The following C1orf94 variants were observed in gnomAD, a reference collection of about 807,000 sequenced individuals.
C1orf94 encodes uncharacterized protein C1orf94.
A neutral mutation model predicts 53.6 loss-of-function variants in C1orf94; 45 were observed. That is an observed-to-expected ratio of 0.84 (90% CI 0.66 to 1.08). The LOEUF (loss-of-function observed/expected upper bound fraction) is 1.08. C1orf94 is among the 50% of genes least tolerant of loss of function. The probability of loss-of-function intolerance (pLI) is 0.00; values close to 1 mark genes in which losing one functional copy is unlikely to be tolerated. For synonymous variants in C1orf94, 304 were observed against 296.1 expected (o/e 1.03, Z -0.27); for missense variants, 762 against 738.9 (o/e 1.03, Z -0.36).
At chr1:34,212,447 G>T (rs1399999184) in intron 6 of C1orf94, 41 bp downstream of exon 6, 1 of 1,570,452 alleles carries the variant, frequency 6.4e-7, no homozygotes, top group African/African-American at 1.4e-5. Flanking sequence ...TATCCAGAAA[G>T]CTGGTGGGAA....
Position 34,195,779 on chromosome 1 carries a change from GGTGTGTGTGTGT to G in C1orf94, c.321-1426_321-1415del, listed in dbSNP as rs67390104. On this transcript the variant is annotated intron_variant, in intron 1 of 6. Coordinates refer to ENST00000488417, the MANE Select transcript of C1orf94 (RefSeq NM_001134734.2). ...GTGTGCCTGCCTGTTTCTGTTCGTG[GGTGTGTGTGTGT>G]GTGTGTGTGTGTGTGTGTGCGTTTG... Among the ~76,000 whole-genome samples, 4 of 145,272 alleles carry G rather than the reference GGTGTGTGTGTGT, an allele frequency of 2.8e-5. 1 individual carries two copies. The highest frequency in any genetic ancestry group is 7.6e-5 in the African/African-American group (3 of 39,574).
intron 1 of C1orf94, among the ~76,000 whole-genome samples, chr1:34,186,869 G>C (rs1313968332): frequency 6.6e-6 from 1 of 152,208 alleles, no homozygotes; most frequent in African/African-American, 2.4e-5. Flanking sequence ...TAAGGGCAAG[G>C]TCTGTGTCTT....
rs148899786 is a variant in C1orf94 at position 34,197,902 on chromosome 1, A to G, written c.998A>G (p.His333Arg). Reference protein sequence around the residue: ...KPKADPAVERHHLMEWSPGTK... With the variant: ...KPKADPAVERRHLMEWSPGTK... The stretch of plus-strand genomic sequence containing the variant: ...AAGGCTGACCCTGCTGTGGAGAGGC[A>G]CCACTTGATGGGTGAGTGGGGTTGG... The change falls in exon 2 of 7, where the codon CAC becomes CGC. Residue 333 changes from histidine (H) to arginine (R), a missense_variant. His to Arg is a conservative substitution (Grantham distance 29). Transcript: ENST00000488417. This position sits in a 1 kb window ranked among gnomAD's most constrained non-coding sequence, Gnocchi z 4.1. 5 of 1,613,040 alleles carry G rather than the reference A, an allele frequency of 3.1e-6. No homozygotes were observed. In the African/African-American group the frequency reaches 6.7e-5, roughly 22 times the overall value.
upstream of C1orf94, among the ~76,000 whole-genome samples, chr1:34,173,849 T>C (rs546667926): frequency 2.4e-4 from 36 of 152,182 alleles, no homozygotes; most frequent in Non-Finnish European, 4.6e-4. Context: ...CTTTAAACTC[T>C]AAAAAAGACA....
At position 34,212,348 on chromosome 1, in the gene C1orf94, C is replaced by A; in HGVS notation, c.1663C>A (p.Arg555=). ...RTPPKMSANP[R]DPPLMAGDGP... ...ACCTCCAAAGATGTCTGCCAACCCC[C>A]GAGACCCTCCCCTAATGGCAGGAGA... The change falls in exon 6 of 7, where the codon CGA becomes AGA. Residue 555 remains arginine, a synonymous_variant. Transcript: ENST00000488417. 6.2e-7 allele frequency: 1 copy of A among 1,613,932 alleles called. No individual in the cohort carries two copies. The highest frequency in any genetic ancestry group is 8.5e-7 in the Non-Finnish European group (1 of 1,179,928).
upstream of C1orf94, among the ~76,000 whole-genome samples, chr1:34,176,804 G>C (rs975581427): frequency 3.9e-5 from 6 of 152,148 alleles, no homozygotes; most frequent in Non-Finnish European, 7.3e-5. Context: ...GCGGCGGCGC[G>C]TTTGGCTTTG....
At chr1:34,206,993 A>T (rs1642805689) in intron 4 of C1orf94, among the ~76,000 whole-genome samples, 1 of 151,924 alleles carries the variant, frequency 6.6e-6, no homozygotes, top group South Asian at 2.1e-4. Context: ...GAGCAGGGAG[A>T]CCTACTTGCA....
intron 1 of C1orf94, among the ~76,000 whole-genome samples, chr1:34,188,720 G>A (rs758565786): frequency 9.2e-5 from 14 of 152,150 alleles, no homozygotes; most frequent in Admixed American, 2.6e-4. Flanking sequence ...ACTGCGGCCC[G>A]GAGGGTGGAG....
Position 34,178,014 on chromosome 1 carries a change from C to T in C1orf94, c.225C>T (p.Gly75=), listed in dbSNP as rs370350958. ...ATGAAATCTGGAAGAGAGTTCAAGG[C>T]CTGCCTGAGGCCTCACAGCCCTGGA... ...TCHEIWKRVQ[G]LPEASQPWTS... Residue 75 remains glycine, a synonymous_variant, in exon 1 of 7, where the codon GGC becomes GGT. Transcript: ENST00000488417. The T allele has an allele frequency of 8.0e-5, 124 of 1,551,652 alleles. 1 individual carries two copies. Among genetic ancestry groups the T allele is most frequent in the Non-Finnish European group, 9.2e-5 (106 of 1,147,014 alleles).
chr1:34,209,285 A>AACACACACACACACACACACAC (rs59376155), intron 5 of C1orf94, among the ~76,000 whole-genome samples: 2 of 143,624 alleles, frequency 1.4e-5, no homozygotes, highest in African/African-American at 2.6e-5. Flanking sequence ...GAGAAATGCA[A>AACACACACACACACACACACAC]ACACACACAC....
At position 34,204,301 on chromosome 1, in the gene C1orf94, C is replaced by A. The variant is rs1475521435; in HGVS notation, c.1446+2042C>A. ...GAATCTTAAAGGAACTTAGCAAAGT[C>A]TCTCTCTGTTTTGTTTTCAAGCTTT... On this transcript the variant is annotated intron_variant, in intron 4 of 6. Transcript: ENST00000488417. 2.6e-5 allele frequency among the ~76,000 whole-genome samples: 4 copies of A among 152,256 alleles called. No homozygotes were observed. In the East Asian group the frequency reaches 7.7e-4, roughly 29 times the overall value.
upstream of C1orf94, among the ~76,000 whole-genome samples, chr1:34,175,188 TGA>T (rs1367257726): frequency 2.4e-3 from 210 of 89,326 alleles, 1 homozygote; most frequent in African/African-American, 0.014. Flanking sequence ...CTGCTGTATT[TGA>T]TTTTTTTTTT....
chr1:34,179,761 G>A (rs1180540146), intron 1 of C1orf94, among the ~76,000 whole-genome samples: 2 of 152,136 alleles, frequency 1.3e-5, no homozygotes, highest in Non-Finnish European at 2.9e-5. Flanking sequence ...TTTTGTTGTT[G>A]TTGGCTTCAA....
intron 1 of C1orf94, among the ~76,000 whole-genome samples, chr1:34,196,419 C>T (rs1642581684): frequency 6.6e-6 from 1 of 152,128 alleles, no homozygotes; most frequent in African/African-American, 2.4e-5. Flanking sequence ...ACTGCTGGTG[C>T]TGTACATGAA....
chr1:34,214,874 G>T (rs1642956560), intron 6 of C1orf94, among the ~76,000 whole-genome samples: 1 of 152,144 alleles, frequency 6.6e-6, no homozygotes, highest in African/African-American at 2.4e-5. Flanking sequence ...GGGGAGACCA[G>T]GACCATGAGG....
At chr1:34,190,045 A>G (rs1282935867) in intron 1 of C1orf94, among the ~76,000 whole-genome samples, 2 of 152,094 alleles carry the variant, frequency 1.3e-5, no homozygotes, top group Non-Finnish European at 1.5e-5. Context: ...CCACCCCAAC[A>G]CTTATTCTCT....
chr1:34,182,496 G>T (rs1223431535), intron 1 of C1orf94, among the ~76,000 whole-genome samples: 1 of 152,174 alleles, frequency 6.6e-6, no homozygotes, highest in Non-Finnish European at 1.5e-5. Context: ...GTGTGGGAGA[G>T]GAAGTGGGAG....
intron 1 of C1orf94, among the ~76,000 whole-genome samples, chr1:34,194,035 TG>T (rs969455084): frequency 5.3e-5 from 8 of 152,018 alleles, no homozygotes; most frequent in African/African-American, 1.9e-4. Flanking sequence ...TGGTTGCAGC[TG>T]GGGGGGACAT....
intron 3 of C1orf94, among the ~76,000 whole-genome samples, chr1:34,201,844 T>C (rs1160068195): frequency 6.6e-6 from 1 of 151,724 alleles, no homozygotes; most frequent in Non-Finnish European, 1.5e-5. Flanking sequence ...TAGTGAATGA[T>C]GGAAAGAAAA....
Sources: gnomAD v4.1 joint callset for allele counts (sites outside exome capture counted in the v4.1 genomes callset) on GRCh38, gnomAD v4.1.1 for gene constraint, Gnocchi (gnomAD v3.1) non-coding constraint, MANE v1.5 for transcripts, NCBI Gene and HGNC (gene_info 2026-07-23, HGNC 2026-07-21) for gene names.